CCDC171: variants seen among roughly 807,000 people sequenced by gnomAD.
CCDC171 encodes the protein coiled-coil domain containing 171, also known as coiled-coil domain-containing protein 171.
A neutral mutation model predicts 168.2 loss-of-function variants in CCDC171; 177 were observed. The observed-to-expected ratio is 1.05, with a 90% CI of 0.93 to 1.19. The LOEUF is 1.19. Ranked by LOEUF, CCDC171 falls within the 50% of genes most tolerant of loss-of-function variation. CCDC171 has a pLI of 0.00. For missense variants in CCDC171, 1,991 were observed against 1,539.0 expected (o/e 1.29, Z -4.91); for synonymous variants, 687 against 540.8 (o/e 1.27, Z -3.75).
chr9:15,995,620 C>T (rs1198265180), intron 3 of CCDC171, among the ~76,000 whole-genome samples: 1 of 152,204 alleles, frequency 6.6e-6, no homozygotes, highest in Non-Finnish European at 1.5e-5. Context: ...GATGTTTAAT[C>T]AGCACTATAG....
chr9:15,950,855 C>A (rs1829067949), intron 25 of CCDC171, among the ~76,000 whole-genome samples: 1 of 151,358 alleles, frequency 6.6e-6, no homozygotes. Flanking sequence ...CAAGACCCAT[C>A]AGTGTGCTGT....
chr9:15,883,087 G>A (rs1018655972), intron 24 of CCDC171: 9 of 402,508 alleles, frequency 2.2e-5, no homozygotes, highest in Non-Finnish European at 3.9e-5. Context: ...AGAGTGCAGT[G>A]GTGTGATCAT....
intron 21 of CCDC171, among the ~76,000 whole-genome samples, chr9:15,787,699 A>T (rs1488952367): frequency 6.6e-6 from 1 of 152,180 alleles, no homozygotes. Context: ...ACATGTTATC[A>T]ATTGGCCTAC....
At chr9:15,908,980 C>G (rs1255506102) in intron 24 of CCDC171, among the ~76,000 whole-genome samples, 1 of 152,210 alleles carries the variant, frequency 6.6e-6, no homozygotes, top group East Asian at 1.9e-4. Flanking sequence ...CAACAACCAA[C>G]TGTGCACTTC....
rs567067128 is a variant in CCDC171, at chr9:15,803,889, A to T, written c.3267+19195A>T. ...CTATTACACAATATTGATTTTTCCT[A>T]TCTGTGAGCATGGAATGTCTTTCCA... On this transcript the variant is annotated intron_variant, in intron 21 of 25. Coordinates refer to ENST00000380701, the MANE Select transcript of CCDC171 (RefSeq NM_173550.4). 2.0e-4 allele frequency among the ~76,000 whole-genome samples: 31 copies of T among 151,864 alleles called. 1 individual carries two copies. The South Asian group carries it at 5.8e-3, about 28-fold the overall frequency.
chr9:15,789,514 G>A (rs1319892029), intron 21 of CCDC171, among the ~76,000 whole-genome samples: 3 of 152,158 alleles, frequency 2.0e-5, no homozygotes, highest in Non-Finnish European at 4.4e-5. Flanking sequence ...AGTCTATCTG[G>A]AAAAAGGCTT....
intron 21 of CCDC171, among the ~76,000 whole-genome samples, chr9:15,801,976 T>C (rs1414643641): frequency 6.6e-6 from 1 of 152,116 alleles, no homozygotes; most frequent in Non-Finnish European, 1.5e-5. Context: ...TCCCACTTGG[T>C]CATGTTGAAT....
At chr9:15,693,012 C>G (rs866219637) in intron 10 of CCDC171, among the ~76,000 whole-genome samples, 25 of 151,996 alleles carry the variant, frequency 1.6e-4, no homozygotes, top group Admixed American at 9.2e-4. Context: ...TCGTGGGCAC[C>G]TGTACTCCCA....
intron 9 of CCDC171, among the ~76,000 whole-genome samples, chr9:15,673,117 A>G (rs138817801): frequency 1.5e-4 from 23 of 152,274 alleles, no homozygotes; most frequent in South Asian, 1.2e-3. Context: ...CTTTGTAGCA[A>G]TTATGAATGG....
rs112508719 is a variant in CCDC171 at position 15,803,750 on chromosome 9, C to CTT, written c.3267+19063_3267+19064dup. Among the ~76,000 whole-genome samples the CTT allele has an allele frequency of 1.2e-3, 177 of 151,344 alleles. 2 individuals carry two copies. Among genetic ancestry groups the CTT allele is most frequent in the African/African-American group, 2.6e-3 (107 of 41,288 alleles). ...TTTAGGACTGCCTAGGCTATTTGGG[C>CTT]TTTTTTTTGGTTCTGTATGAATTTT... On this transcript the variant is annotated intron_variant, in intron 21 of 25. Transcript: ENST00000380701.
At chr9:15,597,358 G>T (rs1485089497) in intron 6 of CCDC171, among the ~76,000 whole-genome samples, 6 of 152,194 alleles carry the variant, frequency 3.9e-5, no homozygotes, top group African/African-American at 1.2e-4. Context: ...AGCATGAAGG[G>T]TTGCTGAATT....
At chr9:16,024,342 CAA>C (rs1484989770) in intron 6 of CCDC171, among the ~76,000 whole-genome samples, 4 of 152,168 alleles carry the variant, frequency 2.6e-5, no homozygotes, top group African/African-American at 9.7e-5. Context: ...CCCATATAAT[CAA>C]ACTTAGAGCA....
chr9:15,601,147 C>A (rs2042820505), intron 6 of CCDC171, among the ~76,000 whole-genome samples: 2 of 152,182 alleles, frequency 1.3e-5, no homozygotes, highest in African/African-American at 4.8e-5. Context: ...CTGTCCTGCA[C>A]CCACTCTCTG....
At chr9:15,839,725 C>T (rs540855631) in intron 21 of CCDC171, among the ~76,000 whole-genome samples, 2 of 152,240 alleles carry the variant, frequency 1.3e-5, no homozygotes, top group African/African-American at 4.8e-5. Flanking sequence ...ATGAGAGGCA[C>T]TGTTCTGTGT....
intron 7 of CCDC171, 93 bp downstream of exon 7, chr9:15,623,506 C>CACACACAT (rs768133705): frequency 3.7e-5 from 24 of 656,130 alleles, no homozygotes; most frequent in Non-Finnish European, 5.2e-5. Context: ...CACACACACA[C>CACACACAT]ATAAAACCCA....
At chr9:16,059,505 CTTTTTTTTTTTTT>C (rs869212886) in intron 1 of CCDC171, among the ~76,000 whole-genome samples, 39 of 101,422 alleles carry the variant, frequency 3.8e-4, no homozygotes, top group African/African-American at 1.7e-3. Flanking sequence ...TTTTTTTTTT[CTTTTTTTTTTTTT>C]TTTTTTTGAG....
chr9:16,054,147 G>A (rs1989035758), intron 1 of CCDC171, among the ~76,000 whole-genome samples: 1 of 152,198 alleles, frequency 6.6e-6, no homozygotes, highest in Non-Finnish European at 1.5e-5. Flanking sequence ...CTTCTCTGGG[G>A]TCCGGGCTTT....
chr9:15,743,739 AT>A (rs140313539), intron 16 of CCDC171, among the ~76,000 whole-genome samples: 2,692 of 152,322 alleles, frequency 0.018, 95 homozygotes, highest in African/African-American at 0.061. Context: ...AGAAACTGAA[AT>A]TAAGTGAGTA....
At chr9:16,066,761 T>G in the CCDC171 span, among the ~76,000 whole-genome samples, 15 of 150,884 alleles carry the variant, frequency 9.9e-5, no homozygotes, top group African/African-American at 3.2e-4. Context: ...GATTTCCAAT[T>G]TCATCCATGT....
Sources: allele counts gnomAD v4.1 joint callset (sites outside exome capture counted in the v4.1 genomes callset), GRCh38; gene constraint gnomAD v4.1.1; transcripts MANE v1.5; gene names NCBI Gene and HGNC (gene_info 2026-07-23, HGNC 2026-07-21).